The following PCDH15 variants were observed in gnomAD, a reference collection of about 807,000 sequenced individuals.
PCDH15 encodes protocadherin-15.
A neutral mutation model predicts 178.5 loss-of-function variants in PCDH15; 129 were observed. That is an observed-to-expected ratio of 0.72 (90% CI 0.63 to 0.84). The LOEUF (loss-of-function observed/expected upper bound fraction) is 0.84, where lower values mean the gene tolerates loss of function less well. Ranked by LOEUF, PCDH15 falls within the 40% of genes least tolerant of loss-of-function variation. PCDH15 has a pLI of 0.00. For missense variants in PCDH15, 2,230 were observed against 2,099.9 expected (o/e 1.06, Z -1.21); for synonymous variants, 800 against 732.0 (o/e 1.09, Z -1.50).
intron 1 of PCDH15, among the ~76,000 whole-genome samples, chr10:54,774,084 A>G (rs982767745): frequency 8.1e-6 from 1 of 123,998 alleles, no homozygotes; most frequent in Non-Finnish European, 1.6e-5. Flanking sequence ...GCTGGAGTGC[A>G]GTGGCGCGGT....
Position 54,663,832 on chromosome 10 carries a change from C to T in PCDH15, c.91+340G>A, listed in dbSNP as rs546049156. ...TTTGTATTTCTAGCTTTGTTTGAGA[C>T]CTTTGTTTGCATATATTCAAAGGTT... On this transcript the variant is annotated intron_variant, in intron 2 of 37. Coordinates refer to ENST00000644397, the MANE Select transcript of PCDH15 (RefSeq NM_001384140.1). Among the ~76,000 whole-genome samples the T allele has an allele frequency of 1.3e-4, 19 of 151,852 alleles. No individual in the cohort carries two copies. In the South Asian group the frequency reaches 2.7e-3, roughly 22 times the overall value.
intron 13 of PCDH15, among the ~76,000 whole-genome samples, chr10:54,155,323 C>T (rs920925086): frequency 2.6e-5 from 4 of 152,180 alleles, no homozygotes; most frequent in African/African-American, 7.2e-5. Context: ...CTGCAAAACA[C>T]AGGAGACAGA....
intron 2 of PCDH15, among the ~76,000 whole-genome samples, chr10:55,398,559 A>G (rs925178853): frequency 1.3e-5 from 2 of 152,234 alleles, no homozygotes; most frequent in African/African-American, 4.8e-5. Flanking sequence ...ATAAAACATA[A>G]TGATGCTAAA....
intron 1 of PCDH15, among the ~76,000 whole-genome samples, chr10:55,246,600 A>G (rs1841685445): frequency 6.6e-6 from 1 of 152,164 alleles, no homozygotes; most frequent in Admixed American, 6.5e-5. Flanking sequence ...ATCTAACTGT[A>G]TTATGTAAGA....
chr10:55,170,804 C>T (rs897765564), intron 1 of PCDH15, among the ~76,000 whole-genome samples: 2 of 152,054 alleles, frequency 1.3e-5, no homozygotes, highest in Non-Finnish European at 2.9e-5. Context: ...ATTCCTTGAA[C>T]CTGGGAGGCG....
At chr10:54,794,062 C>T (rs915797621) in intron 1 of PCDH15, among the ~76,000 whole-genome samples, 1 of 146,624 alleles carries the variant, frequency 6.8e-6, no homozygotes, top group African/African-American at 2.5e-5. Flanking sequence ...TTCTAAGAAA[C>T]TGCTTTGAGA....
chr10:55,050,111 G>A (rs911205948), intron 2 of PCDH15, among the ~76,000 whole-genome samples: 3 of 152,008 alleles, frequency 2.0e-5, no homozygotes, highest in Non-Finnish European at 2.9e-5. Flanking sequence ...GGAACATTAT[G>A]TCCATTTGAA....
At chr10:54,488,462 A>T (rs989626367) in intron 3 of PCDH15, among the ~76,000 whole-genome samples, 12 of 151,798 alleles carry the variant, frequency 7.9e-5, no homozygotes, top group Non-Finnish European at 8.8e-5. Flanking sequence ...AAAAAAAAAA[A>T]TGTGTATGGC....
At chr10:55,022,638 CATT>C (rs1184932323) in intron 2 of PCDH15, among the ~76,000 whole-genome samples, 2 of 151,536 alleles carry the variant, frequency 1.3e-5, no homozygotes, top group Admixed American at 6.6e-5. Flanking sequence ...TATTTTAAAT[CATT>C]ATCTCAGAAA....
intron 2 of PCDH15, among the ~76,000 whole-genome samples, chr10:54,653,424 C>T (rs2094307349): frequency 6.6e-6 from 1 of 152,180 alleles, no homozygotes; most frequent in Non-Finnish European, 1.5e-5. Context: ...CAGATCTAGG[C>T]AGTCCAAACT....
At chr10:54,873,653 G>A (rs1269305828) in intron 3 of PCDH15, among the ~76,000 whole-genome samples, 1 of 145,094 alleles carries the variant, frequency 6.9e-6, no homozygotes, top group African/African-American at 2.5e-5. Flanking sequence ...TTACCTTGAG[G>A]TGATAGTTTT....
intron 2 of PCDH15, among the ~76,000 whole-genome samples, chr10:54,588,286 T>A (rs1294677507): frequency 6.6e-6 from 1 of 152,158 alleles, no homozygotes; most frequent in African/African-American, 2.4e-5. Flanking sequence ...GGAAAAGGCA[T>A]CCCAACTGGT....
intron 2 of PCDH15, among the ~76,000 whole-genome samples, chr10:55,405,199 C>T (rs1348587017): frequency 1.3e-5 from 2 of 149,930 alleles, no homozygotes; most frequent in African/African-American, 2.5e-5. Flanking sequence ...CGATATATAT[C>T]TCATTAATGA....
chr10:54,733,837 T>TA (rs1287520622), intron 1 of PCDH15, among the ~76,000 whole-genome samples: 1 of 147,564 alleles, frequency 6.8e-6, no homozygotes, highest in Non-Finnish European at 1.5e-5. Flanking sequence ...AAGACAATAA[T>TA]AAAAAGACTT....
chr10:55,069,226 A>G (rs1250588654), intron 2 of PCDH15, among the ~76,000 whole-genome samples: 1 of 143,476 alleles, frequency 7.0e-6, no homozygotes, highest in Non-Finnish European at 1.5e-5. Flanking sequence ...ATGTTCTGTT[A>G]GATTTGGTTT....
intron 5 of PCDH15, among the ~76,000 whole-genome samples, chr10:54,363,362 A>G (rs1946336443): frequency 6.6e-6 from 1 of 152,130 alleles, no homozygotes; most frequent in Non-Finnish European, 1.5e-5. Context: ...TTTAAAATTT[A>G]TTATGTGTCT....
At chr10:54,929,739 A>G (rs1837721771) in intron 2 of PCDH15, among the ~76,000 whole-genome samples, 1 of 152,164 alleles carries the variant, frequency 6.6e-6, no homozygotes, top group Non-Finnish European at 1.5e-5. Flanking sequence ...ATATTAGAAA[A>G]TGTGTTGTCA....
At chr10:54,119,308 AG>A (rs2095173071) in intron 15 of PCDH15, among the ~76,000 whole-genome samples, 1 of 152,164 alleles carries the variant, frequency 6.6e-6, no homozygotes, top group Non-Finnish European at 1.5e-5. Context: ...AATCAATTAC[AG>A]CTTCTGGAAT....
intron 2 of PCDH15, among the ~76,000 whole-genome samples, chr10:55,390,826 G>T (rs1015246796): frequency 6.6e-6 from 1 of 152,108 alleles, no homozygotes; most frequent in African/African-American, 2.4e-5. Flanking sequence ...TTCAAAAGTC[G>T]GTCTCAACCC....
Sources: allele counts gnomAD v4.1 joint callset (sites outside exome capture counted in the v4.1 genomes callset), GRCh38; gene constraint gnomAD v4.1.1; transcripts MANE v1.5; gene names NCBI Gene and HGNC (gene_info 2026-07-23, HGNC 2026-07-21).